Variants in EFCAB5 observed in about 807,000 individuals in gnomAD.
EFCAB5 encodes the protein EF-hand calcium binding domain 5, also known as EF-hand calcium-binding domain-containing protein 5.
In EFCAB5, 131 loss-of-function variants were observed where a neutral mutation model predicts 167.9. That is an observed-to-expected ratio of 0.78 (90% confidence interval 0.68 to 0.90). The LOEUF (loss-of-function observed/expected upper bound fraction) is 0.90. EFCAB5 is among the 40% of genes least tolerant of loss of function. The pLI, the probability that EFCAB5 is intolerant of heterozygous loss-of-function variation, is 0.00. For synonymous variants in EFCAB5, 574 were observed against 602.8 expected, an observed-to-expected ratio of 0.95 and a Z score of 0.70; for missense variants, 1,663 against 1,745.2, an observed-to-expected ratio of 0.95 and a Z score of 0.84.
chr17:30,052,989 C>T (rs78681937), intron 9 of EFCAB5, among the ~76,000 whole-genome samples: 2,539 of 152,316 alleles, frequency 0.017, 69 homozygotes, highest in African/African-American at 0.057. Flanking sequence ...CTAAGCAACA[C>T]TCCAAGTAGC....
In EFCAB5 at chr17:30,053,932, A is replaced by G; in HGVS notation, c.1978A>G (p.Ile660Val). 6.2e-7 allele frequency: 1 copy of G among 1,614,030 alleles called. No homozygotes were observed. The highest frequency in any genetic ancestry group is 8.5e-7 in the Non-Finnish European group (1 of 1,179,898). ...AGAACAAGGACCTTATGGAGAGATA[A>G]TTTCAGAAGAGCAAGAAGACATAGG... ...KSEQGPYGEI[I>V]SEEQEDIGST... The change falls in exon 10 of 23, where the codon ATT becomes GTT. Residue 660 changes from isoleucine to valine, a missense_variant. Ile to Val is a conservative substitution (Grantham distance 29, BLOSUM62 3). Transcript: ENST00000394835.
Position 30,055,960 on chromosome 17 carries a change from G to T in EFCAB5, c.2267G>T (p.Trp756Leu), listed in dbSNP as rs1400006096. 2 of 1,613,632 alleles carry T rather than the reference G, an allele frequency of 1.2e-6. No homozygotes were observed. The highest frequency in any genetic ancestry group is 1.7e-5 in the Admixed American group (1 of 59,990). The change falls in exon 11 of 23, where the codon TGG (tryptophan) becomes TTG (leucine). Residue 756 changes from tryptophan to leucine, a missense_variant. Transcript: ENST00000394835. ...TCCCAAAAAATAGAAGGAAAGTCATGGTCAGGTAACTCCTCATTTAATCCT... is the reference window on the plus strand; with the variant it reads ...TCCCAAAAAATAGAAGGAAAGTCATTGTCAGGTAACTCCTCATTTAATCCT... ...PKSQKIEGKS[W>L]SGEFFTCNWK...
chr17:29,978,048 G>A (rs533931422), intron 4 of EFCAB5, among the ~76,000 whole-genome samples: 2 of 152,254 alleles, frequency 1.3e-5, no homozygotes, highest in South Asian at 4.2e-4. Context: ...GCAAGACAGA[G>A]GGAATGTTTC....
At chr17:30,004,377 C>T (rs1421559439) in intron 7 of EFCAB5, among the ~76,000 whole-genome samples, 1 of 152,256 alleles carries the variant, frequency 6.6e-6, no homozygotes, top group African/African-American at 2.4e-5. Flanking sequence ...CATTCAATCT[C>T]CATTGACATT....
At chr17:29,981,954 A>C (rs1272306332) in intron 4 of EFCAB5, among the ~76,000 whole-genome samples, 1 of 152,250 alleles carries the variant, frequency 6.6e-6, no homozygotes, top group Non-Finnish European at 1.5e-5. Flanking sequence ...TTGATTAATT[A>C]CTTAGATTTT....
At chr17:30,064,677 C>T (rs552097397) in intron 14 of EFCAB5, among the ~76,000 whole-genome samples, 2 of 152,096 alleles carry the variant, frequency 1.3e-5, no homozygotes, top group African/African-American at 4.8e-5. Context: ...TCAAAATTTC[C>T]CAAATAGATA....
chr17:29,930,965 C>G (rs2067184876), intron 1 of EFCAB5, among the ~76,000 whole-genome samples: 1 of 152,134 alleles, frequency 6.6e-6, no homozygotes, highest in African/African-American at 2.4e-5. Flanking sequence ...GCTCGTTAAG[C>G]TTTCTTCTCC....
intron 3 of EFCAB5, among the ~76,000 whole-genome samples, chr17:29,962,446 A>G (rs573200166): frequency 2.0e-5 from 3 of 152,082 alleles, no homozygotes; most frequent in Non-Finnish European, 4.4e-5. Context: ...CTGCTTTTAT[A>G]AATGGAATTG....
intron 3 of EFCAB5, among the ~76,000 whole-genome samples, chr17:29,945,957 C>G (rs1318005728): frequency 2.0e-5 from 3 of 152,054 alleles, no homozygotes; most frequent in Non-Finnish European, 4.4e-5. Flanking sequence ...ACTCCAAAAG[C>G]AAATGCAATA....
intron 3 of EFCAB5, among the ~76,000 whole-genome samples, chr17:29,964,498 T>G (rs1189503211): frequency 2.0e-5 from 3 of 152,100 alleles, no homozygotes; most frequent in African/African-American, 7.2e-5. Flanking sequence ...TTTCACCATG[T>G]TGGCCAAGCT....
At chr17:30,077,634 C>T (rs2070894607) in intron 14 of EFCAB5, among the ~76,000 whole-genome samples, 1 of 152,154 alleles carries the variant, frequency 6.6e-6, no homozygotes, top group East Asian at 1.9e-4. Flanking sequence ...AAGACATGGA[C>T]AGGGACCATG....
At chr17:30,074,626 G>A (rs1191759135) in intron 14 of EFCAB5, 1 of 152,076 alleles carries the variant, frequency 6.6e-6, no homozygotes, top group Non-Finnish European at 1.5e-5. Flanking sequence ...ACAATCTTAA[G>A]TAAATCTTCT....
chr17:30,045,056 C>A (rs372171488), intron 8 of EFCAB5, among the ~76,000 whole-genome samples: 1 of 152,038 alleles, frequency 6.6e-6, no homozygotes, highest in South Asian at 2.1e-4. Flanking sequence ...CCAAAGGATG[C>A]GCCATTATTT....
chr17:30,020,487 C>A (rs1009351511), intron 7 of EFCAB5, among the ~76,000 whole-genome samples: 4 of 151,870 alleles, frequency 2.6e-5, no homozygotes, highest in African/African-American at 9.7e-5. Context: ...GCCTCAGCCT[C>A]CCGAGTAGCT....
intron 3 of EFCAB5, among the ~76,000 whole-genome samples, chr17:29,967,155 T>C (rs2067846077): frequency 6.6e-6 from 1 of 152,232 alleles, no homozygotes; most frequent in Non-Finnish European, 1.5e-5. Flanking sequence ...GCATTAGTTA[T>C]TCTGTTTGTT....
Position 30,011,813 on chromosome 17 carries a change from TGCCAAG to T in EFCAB5, c.1044+11840_1044+11845del, listed in dbSNP as rs536892886. On this transcript the variant is annotated intron_variant, in intron 7 of 22. Transcript: ENST00000394835. ...TACTGTGGGTGGCAAGCCACCCAGG[TGCCAAG>T]GCAAGAGACCGAGGACGCGAGCTGT... 1.4e-3 allele frequency among the ~76,000 whole-genome samples: 217 copies of T among 152,272 alleles called. 2 individuals carry two copies. Among genetic ancestry groups the T allele is most frequent in the African/African-American group, 5.0e-3 (206 of 41,550 alleles).
intron 7 of EFCAB5, among the ~76,000 whole-genome samples, chr17:30,004,715 G>C (rs2068738282): frequency 6.6e-6 from 1 of 150,490 alleles, no homozygotes; most frequent in Non-Finnish European, 1.5e-5. Flanking sequence ...CCACCTCCCA[G>C]GTTCAAGCGA....
At chr17:30,071,702 T>C (rs1244129708) in intron 14 of EFCAB5, among the ~76,000 whole-genome samples, 4 of 152,232 alleles carry the variant, frequency 2.6e-5, no homozygotes, top group African/African-American at 9.6e-5. Flanking sequence ...TTCCCATGTT[T>C]ATTGCTGCAT....
chr17:30,016,988 G>C (rs1457795236), intron 7 of EFCAB5, among the ~76,000 whole-genome samples: 1 of 151,910 alleles, frequency 6.6e-6, no homozygotes, highest in African/African-American at 2.4e-5. Flanking sequence ...GACCAGCCTG[G>C]GCAACATAGG....
Sources: allele counts gnomAD v4.1 joint callset (sites outside exome capture counted in the v4.1 genomes callset), GRCh38; gene constraint gnomAD v4.1.1; transcripts MANE v1.5; gene names NCBI Gene and HGNC (gene_info 2026-07-23, HGNC 2026-07-21).